Variants in NPAS3 observed in about 807,000 individuals in gnomAD.
NPAS3 encodes the protein neuronal PAS domain protein 3.
A neutral mutation model predicts 73.1 loss-of-function variants in NPAS3; 14 were observed. That is an observed-to-expected ratio of 0.19 (90% confidence interval 0.13 to 0.30). NPAS3 has a LOEUF of 0.30. Among genes scored for constraint, NPAS3 ranks in the 10% least tolerant of loss-of-function variants. The pLI is 1.00. For missense variants in NPAS3, 1,096 were observed against 1,250.0 expected (o/e 0.88, Z 1.86); for synonymous variants, 620 against 541.5 (o/e 1.14, Z -2.01).
chr14:33,400,139 A>G (rs2047388480), intron 4 of NPAS3, among the ~76,000 whole-genome samples: 1 of 152,164 alleles, frequency 6.6e-6, no homozygotes, highest in South Asian at 2.1e-4. Flanking sequence ...ATCTTTTAAC[A>G]TTGTATAAGA....
intron 2 of NPAS3, among the ~76,000 whole-genome samples, chr14:33,180,589 G>A (rs1325011011): frequency 1.3e-5 from 2 of 151,948 alleles, no homozygotes; most frequent in African/African-American, 4.8e-5. Flanking sequence ...CATGAGGTCA[G>A]GAGATCGAGA....
chr14:33,380,956 G>C (rs1370883410), intron 4 of NPAS3, among the ~76,000 whole-genome samples: 2 of 151,860 alleles, frequency 1.3e-5, no homozygotes, highest in African/African-American at 2.4e-5. Context: ...ATCTGGTATA[G>C]AGATTAGACC....
chr14:33,349,043 G>A (rs1373172429), intron 3 of NPAS3, among the ~76,000 whole-genome samples: 1 of 152,130 alleles, frequency 6.6e-6, no homozygotes, highest in Non-Finnish European at 1.5e-5. Context: ...GGAACCAAAC[G>A]AGTACAAAAG....
intron 2 of NPAS3, among the ~76,000 whole-genome samples, chr14:33,177,413 A>G (rs1437977725): frequency 7.2e-5 from 11 of 152,072 alleles, no homozygotes; most frequent in Admixed American, 5.2e-4. Flanking sequence ...GCTCAATATT[A>G]TAGTCTTATC....
intron 3 of NPAS3, among the ~76,000 whole-genome samples, chr14:33,277,934 G>C (rs1371984744): frequency 6.6e-6 from 1 of 152,134 alleles, no homozygotes; most frequent in African/African-American, 2.4e-5. Context: ...AGTGGAAGCA[G>C]AGAGACTAGT....
intron 9 of NPAS3, among the ~76,000 whole-genome samples, chr14:33,784,521 A>T (rs907907093): frequency 2.0e-5 from 3 of 152,096 alleles, no homozygotes; most frequent in Non-Finnish European, 4.4e-5. Context: ...GGCAAGAGAG[A>T]TGGAGGAGTG....
At position 32,953,114 on chromosome 14, in the gene NPAS3, C is replaced by T. The variant is rs372081076; in HGVS notation, c.50+13748C>T. On this transcript the variant is annotated intron_variant, in intron 1 of 11. Transcript: ENST00000356141. ...AAAAGCAAACAACAACAAAAAACCC[C>T]AAACAACAACCAAAAAAAAAGAAAA... Among the ~76,000 whole-genome samples, 232 of 144,744 alleles carry T rather than the reference C, an allele frequency of 1.6e-3. 3 individuals carry two copies. The highest frequency in any genetic ancestry group is 5.5e-3 in the African/African-American group (214 of 38,836). 95.0% of individuals were successfully genotyped at this position (144,744 alleles called of 152,430 possible).
intron 3 of NPAS3, among the ~76,000 whole-genome samples, chr14:33,364,344 G>A (rs1033487958): frequency 6.6e-6 from 1 of 152,300 alleles, no homozygotes; most frequent in African/African-American, 2.4e-5. Context: ...AAATGTGATA[G>A]GATAAGTGCA....
intron 4 of NPAS3, among the ~76,000 whole-genome samples, chr14:33,536,443 TC>T (rs1566981206): frequency 6.6e-6 from 1 of 152,164 alleles, no homozygotes; most frequent in Non-Finnish European, 1.5e-5. Flanking sequence ...TTGTATTTTT[TC>T]CCAATGAAAT....
intron 3 of NPAS3, among the ~76,000 whole-genome samples, chr14:33,283,298 A>G (rs2041705420): frequency 6.6e-6 from 1 of 152,172 alleles, no homozygotes; most frequent in African/African-American, 2.4e-5. Flanking sequence ...CATTGTTACC[A>G]GCAGGTAGTA....
At chr14:33,071,208 T>G (rs2041473284) in intron 2 of NPAS3, among the ~76,000 whole-genome samples, 1 of 152,216 alleles carries the variant, frequency 6.6e-6, no homozygotes, top group African/African-American at 2.4e-5. Context: ...ATTAATATTT[T>G]TGAGCAACCA....
intron 4 of NPAS3, among the ~76,000 whole-genome samples, chr14:33,483,189 T>G (rs949229499): frequency 1.3e-5 from 2 of 152,152 alleles, no homozygotes; most frequent in African/African-American, 4.8e-5. Flanking sequence ...ACTATGAAAC[T>G]TCAGCGTAAC....
chr14:32,957,352 T>A (rs1466831525), intron 1 of NPAS3, among the ~76,000 whole-genome samples: 1 of 152,084 alleles, frequency 6.6e-6, no homozygotes. Flanking sequence ...AAGTGTGGGT[T>A]ATTATAAGTA....
intron 1 of NPAS3, among the ~76,000 whole-genome samples, chr14:32,968,583 T>C (rs2037284542): frequency 6.6e-6 from 1 of 152,176 alleles, no homozygotes; most frequent in East Asian, 1.9e-4. Flanking sequence ...TAAAGTTTAA[T>C]AATAGTACAT....
At chr14:32,941,830 A>G (rs978191901) in intron 1 of NPAS3, among the ~76,000 whole-genome samples, 1 of 152,308 alleles carries the variant, frequency 6.6e-6, no homozygotes, top group Middle Eastern at 3.4e-3. Flanking sequence ...TCAAAAGGCA[A>G]CAACCGCAAA....
At chr14:33,245,249 A>G (rs2048336754) in intron 3 of NPAS3, among the ~76,000 whole-genome samples, 1 of 152,184 alleles carries the variant, frequency 6.6e-6, no homozygotes, top group South Asian at 2.1e-4. Context: ...GTGATGATCA[A>G]CCTCATTGGA....
At chr14:33,144,744 A>G (rs531135837) in intron 2 of NPAS3, among the ~76,000 whole-genome samples, 2 of 152,144 alleles carry the variant, frequency 1.3e-5, no homozygotes, top group South Asian at 4.1e-4. Context: ...AATGAATTTT[A>G]AAAATTCATT....
At chr14:33,302,933 A>T in intron 3 of NPAS3, among the ~76,000 whole-genome samples, 1 of 148,198 alleles carries the variant, frequency 6.7e-6, no homozygotes, top group African/African-American at 2.5e-5. Flanking sequence ...TAATGCCCCT[A>T]TATATTTTTA....
chr14:33,576,739 C>T (rs1258547817), intron 5 of NPAS3, among the ~76,000 whole-genome samples: 3 of 152,122 alleles, frequency 2.0e-5, no homozygotes, highest in Non-Finnish European at 4.4e-5. Flanking sequence ...TCTTCTGATA[C>T]GAATCGAGAA....
Sources: gnomAD v4.1 joint callset for allele counts (sites outside exome capture counted in the v4.1 genomes callset) on GRCh38, gnomAD v4.1.1 for gene constraint, MANE v1.5 for transcripts, NCBI Gene and HGNC (gene_info 2026-07-23, HGNC 2026-07-21) for gene names.